Variants in DCC observed in about 807,000 individuals in gnomAD.
DCC encodes DCC netrin 1 receptor, also known as netrin receptor DCC.
Under a neutral mutation model 172.5 loss-of-function variants are expected in DCC, and 58 were observed. The observed-to-expected ratio is 0.34, with a 90% CI of 0.27 to 0.42. The LOEUF (loss-of-function observed/expected upper bound fraction) is 0.42. Among genes scored for constraint, DCC ranks in the 10% least tolerant of loss-of-function variants. DCC has a pLI of 1.00. For missense variants in DCC, 1,740 were observed against 1,791.0 expected (o/e 0.97, Z 0.51); for synonymous variants, 709 against 644.5 (o/e 1.10, Z -1.52).
intron 1 of DCC, among the ~76,000 whole-genome samples, chr18:52,746,187 C>G (rs1339486963): frequency 6.6e-6 from 1 of 152,046 alleles, no homozygotes; most frequent in African/African-American, 2.4e-5. Flanking sequence ...CCAAAAGAAG[C>G]AAATGTGGTA....
At chr18:53,047,259 T>A (rs1174520708) in intron 5 of DCC, among the ~76,000 whole-genome samples, 8 of 11,692 alleles carry the variant, frequency 6.8e-4, no homozygotes, top group African/African-American at 1.7e-3. Flanking sequence ...TATATATATA[T>A]ATATATATAT....
At chr18:52,842,854 A>G (rs1486467754) in intron 2 of DCC, among the ~76,000 whole-genome samples, 2 of 152,172 alleles carry the variant, frequency 1.3e-5, no homozygotes, top group Non-Finnish European at 2.9e-5. Context: ...GGAAAAAAAT[A>G]ATTGAGGGTA....
intron 1 of DCC, among the ~76,000 whole-genome samples, chr18:52,571,706 G>C (rs2033297442): frequency 6.6e-6 from 1 of 152,146 alleles, no homozygotes; most frequent in South Asian, 2.1e-4. Flanking sequence ...GTGGAGGCTG[G>C]TGAGGTCTTG....
intron 1 of DCC, among the ~76,000 whole-genome samples, chr18:52,478,378 G>C (rs1206180462): frequency 6.6e-6 from 1 of 152,092 alleles, no homozygotes; most frequent in East Asian, 1.9e-4. Flanking sequence ...GGGTTTATGA[G>C]TAATTGTGAT....
intron 21 of DCC, among the ~76,000 whole-genome samples, chr18:53,432,383 T>C (rs1911673677): frequency 6.6e-6 from 1 of 152,192 alleles, no homozygotes; most frequent in Non-Finnish European, 1.5e-5. Context: ...GGACTATGCG[T>C]TGCATGTAGT....
At chr18:53,486,459 C>T (rs982128446) in intron 25 of DCC, among the ~76,000 whole-genome samples, 5 of 152,122 alleles carry the variant, frequency 3.3e-5, no homozygotes, top group Non-Finnish European at 7.4e-5. Context: ...TGCCATAGTT[C>T]ATCCTTAAAA....
intron 1 of DCC, among the ~76,000 whole-genome samples, chr18:52,584,963 C>A (rs2033638299): frequency 6.6e-6 from 1 of 152,176 alleles, no homozygotes. Context: ...AGTACCAGAA[C>A]ACAATAATTA....
intron 1 of DCC, among the ~76,000 whole-genome samples, chr18:52,576,153 G>T (rs987958852): frequency 6.6e-6 from 1 of 152,166 alleles, no homozygotes; most frequent in Non-Finnish European, 1.5e-5. Context: ...AAAGAGAAAA[G>T]ATACCGGAAA....
chr18:52,559,915 G>A (rs776731046), intron 1 of DCC, among the ~76,000 whole-genome samples: 5 of 152,074 alleles, frequency 3.3e-5, no homozygotes, highest in South Asian at 2.1e-4. Flanking sequence ...TTATTTCCTC[G>A]GAGTTAATAT....
At chr18:52,820,229 G>A (rs369153969) in intron 2 of DCC, among the ~76,000 whole-genome samples, 1 of 152,148 alleles carries the variant, frequency 6.6e-6, no homozygotes, top group Non-Finnish European at 1.5e-5. Flanking sequence ...GATTGAAGTT[G>A]CCAAGTTCCA....
chr18:52,692,156 G>T (rs1395247575), intron 1 of DCC, among the ~76,000 whole-genome samples: 1 of 152,060 alleles, frequency 6.6e-6, no homozygotes, highest in Non-Finnish European at 1.5e-5. Flanking sequence ...GTGGGCTTTG[G>T]CCCTCCCTCA....
intron 12 of DCC, among the ~76,000 whole-genome samples, chr18:53,245,568 A>G (rs1288044880): frequency 3.3e-5 from 5 of 152,162 alleles, no homozygotes; most frequent in African/African-American, 7.2e-5. Context: ...AGATGCAGAA[A>G]AACATCAGAT....
intron 1 of DCC, among the ~76,000 whole-genome samples, chr18:52,400,742 C>T (rs1986404257): frequency 6.6e-6 from 1 of 152,072 alleles, no homozygotes; most frequent in African/African-American, 2.4e-5. Context: ...GGCACATATA[C>T]ACCATGGAAT....
intron 7 of DCC, among the ~76,000 whole-genome samples, chr18:53,118,878 G>C (rs1028248953): frequency 6.6e-6 from 1 of 151,662 alleles, no homozygotes; most frequent in Non-Finnish European, 1.5e-5. Flanking sequence ...TAATACACCC[G>C]TAAGGTAGAA....
At chr18:53,389,254 T>A (rs1307957781) in intron 16 of DCC, among the ~76,000 whole-genome samples, 1 of 148,740 alleles carries the variant, frequency 6.7e-6, no homozygotes, top group African/African-American at 2.4e-5. Flanking sequence ...AGTCAGCGTA[T>A]AAATCACCCA....
At chr18:53,518,506 A>G (rs2046364328) in intron 27 of DCC, among the ~76,000 whole-genome samples, 1 of 152,164 alleles carries the variant, frequency 6.6e-6, no homozygotes, top group Non-Finnish European at 1.5e-5. Flanking sequence ...TGAGTAAATG[A>G]AATGTTTAAT....
intron 1 of DCC, among the ~76,000 whole-genome samples, chr18:52,372,468 C>T (rs35188076): frequency 0.14 from 21,296 of 152,102 alleles, 1,629 homozygotes; most frequent in Non-Finnish European, 0.16. Context: ...TCTGTGATGA[C>T]CTTTAGAGTT....
At chr18:52,713,008 T>C (rs1226565469) in intron 1 of DCC, among the ~76,000 whole-genome samples, 1 of 152,202 alleles carries the variant, frequency 6.6e-6, no homozygotes, top group Non-Finnish European at 1.5e-5. Context: ...TTCCATCTTT[T>C]TTACTTTTGA....
chr18:53,047,638 CT>C (rs1486551286), intron 5 of DCC, among the ~76,000 whole-genome samples: 7 of 150,534 alleles, frequency 4.7e-5, no homozygotes, highest in Non-Finnish European at 4.4e-5. Context: ...AGACATATTG[CT>C]TTTTTTCAGC....
Sources: gnomAD v4.1 joint callset for allele counts (sites outside exome capture counted in the v4.1 genomes callset) on GRCh38, gnomAD v4.1.1 for gene constraint, MANE v1.5 for transcripts, NCBI Gene and HGNC (gene_info 2026-07-23, HGNC 2026-07-21) for gene names.